ITGA8: variants seen among roughly 807,000 people sequenced by gnomAD.
The protein encoded by ITGA8 is integrin subunit alpha 8.
In ITGA8, 91 loss-of-function variants were observed where a neutral mutation model predicts 142.3. That is an observed-to-expected ratio of 0.64 (90% CI 0.54 to 0.76). The LOEUF (loss-of-function observed/expected upper bound fraction) is 0.76, where lower values mean the gene tolerates loss of function less well. ITGA8 is among the 30% of genes least tolerant of loss of function. The pLI is 0.00. For synonymous variants in ITGA8, 505 were observed against 485.2 expected (o/e 1.04, Z -0.54); for missense variants, 1,406 against 1,327.7 (o/e 1.06, Z -0.92).
chr10:15,553,115 G>C (rs1165112816), intron 26 of ITGA8, among the ~76,000 whole-genome samples: 1 of 152,016 alleles, frequency 6.6e-6, no homozygotes. Flanking sequence ...AAATTAGCCG[G>C]GCATGGTGGT....
Position 15,677,632 on chromosome 10 carries a change from TC to T in ITGA8, c.635del (p.Gly212GlufsTer17). ...TCCCAGGTCCTCCCACAATAAGGTCTCCATTCTACAAAACAGAAACAGCAAC... is the reference window on the plus strand; with the variant it reads ...TCCCAGGTCCTCCCACAATAAGGTCTCATTCTACAAAACAGAAACAGCAAC... Reference protein sequence around the residue: ...AGFSLDFYKNGDLIVGGPGSF... With the variant: ...AGFSLDFYKNXDLIVGGPGSF... On this transcript the variant is annotated frameshift_variant, in exon 6 of 30. Coordinates refer to ENST00000378076, the MANE Select transcript of ITGA8 (RefSeq NM_003638.3). LOFTEE classifies it high-confidence loss of function. 6.2e-7 allele frequency: 1 copy of T among 1,613,084 alleles called. No homozygotes were observed. The highest frequency in any genetic ancestry group is 2.2e-5 in the East Asian group (1 of 44,786).
At chr10:15,629,118 G>A (rs1489934861) in intron 13 of ITGA8, among the ~76,000 whole-genome samples, 1 of 151,934 alleles carries the variant, frequency 6.6e-6, no homozygotes, top group South Asian at 2.1e-4. Flanking sequence ...AGAGCAGCTG[G>A]CATCTGAAGG....
chr10:15,575,348 C>T (rs1003488209), intron 24 of ITGA8, 141 bp downstream of exon 24: 2 of 629,894 alleles, frequency 3.2e-6, no homozygotes, highest in Non-Finnish European at 5.7e-6. Flanking sequence ...TGTGATTGCA[C>T]CACTGCACTC....
intron 27 of ITGA8, among the ~76,000 whole-genome samples, chr10:15,543,503 T>C (rs1588634517): frequency 6.6e-6 from 1 of 152,216 alleles, no homozygotes; most frequent in East Asian, 1.9e-4. Context: ...TGGTTCAAAA[T>C]GTTGCCCATT....
chr10:15,620,375 C>T (rs1246308942), intron 13 of ITGA8, among the ~76,000 whole-genome samples: 3 of 151,930 alleles, frequency 2.0e-5, no homozygotes, highest in Non-Finnish European at 4.4e-5. Flanking sequence ...TCCATCACAA[C>T]TAGATTGTCA....
intron 14 of ITGA8, among the ~76,000 whole-genome samples, chr10:15,615,746 T>C (rs925820356): frequency 4.6e-5 from 7 of 152,130 alleles, no homozygotes; most frequent in Admixed American, 2.0e-4. Flanking sequence ...ATGCCTGACC[T>C]CAAGTGATCC....
At chr10:15,580,507 C>A (rs568050685) in intron 23 of ITGA8, among the ~76,000 whole-genome samples, 1 of 151,992 alleles carries the variant, frequency 6.6e-6, no homozygotes, top group Non-Finnish European at 1.5e-5. Context: ...GTACTTCTTA[C>A]GAACGTAGAT....
intron 28 of ITGA8, among the ~76,000 whole-genome samples, chr10:15,522,002 A>G (rs968394442): frequency 2.0e-5 from 3 of 152,216 alleles, no homozygotes; most frequent in African/African-American, 4.8e-5. Context: ...ATAGTCAGGT[A>G]GAAGGGATAC....
At chr10:15,620,348 G>C (rs144540175) in intron 13 of ITGA8, among the ~76,000 whole-genome samples, 175 of 151,846 alleles carry the variant, frequency 1.2e-3, no homozygotes, top group African/African-American at 4.0e-3. Context: ...CCAGATTCTA[G>C]AAAGTAATAT....
chr10:15,654,132 G>A (rs959686864), intron 11 of ITGA8, among the ~76,000 whole-genome samples: 4 of 152,096 alleles, frequency 2.6e-5, no homozygotes, highest in Non-Finnish European at 5.9e-5. Context: ...TACCGCACCC[G>A]GCCCCTCTGT....
chr10:15,517,660 G>A lies in ITGA8; in HGVS notation c.3106-416C>T, dbSNP rs9333249. On this transcript the variant is annotated intron_variant, in intron 29 of 29. Transcript: ENST00000378076. ...TTCGAAGGAGCCTGGAGCTCTGCAC[G>A]TATAATCAGTCTGTTTCTCCAAATT... is the stretch of plus-strand genomic sequence containing the variant. Among the ~76,000 whole-genome samples, 1,441 of 152,306 alleles carry A rather than the reference G, an allele frequency of 9.5e-3. 20 individuals are homozygous for A. The highest frequency in any genetic ancestry group is 0.034 in the African/African-American group (1,394 of 41,580).
At chr10:15,532,352 G>C (rs1197275752) in intron 27 of ITGA8, among the ~76,000 whole-genome samples, 15 of 148,052 alleles carry the variant, frequency 1.0e-4, no homozygotes, top group Non-Finnish European at 2.1e-4. Flanking sequence ...CTGGGAGGCG[G>C]AGGTTGCAGT....
chr10:15,617,243 T>C (rs1833410403), intron 13 of ITGA8, among the ~76,000 whole-genome samples: 1 of 152,138 alleles, frequency 6.6e-6, no homozygotes, highest in Non-Finnish European at 1.5e-5. Context: ...AATGAGTCAA[T>C]TGAGACTTAA....
intron 19 of ITGA8, among the ~76,000 whole-genome samples, chr10:15,604,824 G>A (rs1262529504): frequency 6.6e-6 from 1 of 152,000 alleles, no homozygotes; most frequent in Non-Finnish European, 1.5e-5. Context: ...AAAGTAAGAG[G>A]GATAGATTAA....
intron 7 of ITGA8, 63 bp downstream of exon 7, chr10:15,672,561 G>C (rs1197509902): frequency 5.2e-6 from 8 of 1,531,064 alleles, no homozygotes; most frequent in African/African-American, 1.4e-5. Flanking sequence ...GATAAAACTT[G>C]CATCTACATT....
At chr10:15,694,683 A>ATATATATATC (rs1374290794) in intron 2 of ITGA8, among the ~76,000 whole-genome samples, 1 of 131,592 alleles carries the variant, frequency 7.6e-6, no homozygotes, top group Non-Finnish European at 1.6e-5. Flanking sequence ...GTCGACATAT[A>ATATATATATC]TATATATATA....
chr10:15,554,472 G>GATCCACCCCTTGC (rs147936552), intron 26 of ITGA8, among the ~76,000 whole-genome samples: 47,371 of 151,802 alleles, frequency 0.31, 7,603 homozygotes, highest in Non-Finnish European at 0.32. Flanking sequence ...GGGCTGCCCA[G>GATCCACCCCTTGC]ATCCACCCCT....
At chr10:15,719,435 G>A (rs1401525915) in intron 1 of ITGA8, 128 bp downstream of exon 1, 2 of 775,442 alleles carry the variant, frequency 2.6e-6, no homozygotes, top group Non-Finnish European at 3.9e-6. Context: ...CGGGGAGAGG[G>A]ACGGGACCCC....
chr10:15,591,028 T>A (rs1189378625), intron 22 of ITGA8, among the ~76,000 whole-genome samples: 2 of 152,322 alleles, frequency 1.3e-5, no homozygotes, highest in East Asian at 1.9e-4. Context: ...TATATATTTT[T>A]AAAAAATCCT....
Sources: allele counts gnomAD v4.1 joint callset (sites outside exome capture counted in the v4.1 genomes callset), GRCh38; gene constraint gnomAD v4.1.1; transcripts MANE v1.5; gene names NCBI Gene and HGNC (gene_info 2026-07-23, HGNC 2026-07-21).